NEGR1: variants seen among roughly 807,000 people sequenced by gnomAD.
NEGR1 encodes IgLON family member 4.
A neutral mutation model predicts 40.9 loss-of-function variants in NEGR1; 10 were observed. That is an observed-to-expected ratio of 0.24 (90% confidence interval 0.15 to 0.42). The LOEUF (loss-of-function observed/expected upper bound fraction) is 0.42. Among genes scored for constraint, NEGR1 ranks in the 10% least tolerant of loss-of-function variants. The pLI is 1.00. For missense variants in NEGR1, 352 were observed against 438.9 expected (o/e 0.80, Z 1.77); for synonymous variants, 185 against 166.8 (o/e 1.11, Z -0.84).
chr1:71,527,494 G>T (rs968930471), intron 6 of NEGR1, among the ~76,000 whole-genome samples: 1 of 151,056 alleles, frequency 6.6e-6, no homozygotes, highest in Non-Finnish European at 1.5e-5. Context: ...TAAGATTTTC[G>T]AATTTTGTTT....
intron 1 of NEGR1, among the ~76,000 whole-genome samples, chr1:72,259,320 A>G (rs1655378168): frequency 6.6e-6 from 1 of 152,144 alleles, no homozygotes; most frequent in South Asian, 2.1e-4. Context: ...TGGTTAACGG[A>G]TAAGGATAAA....
At chr1:71,549,478 A>C (rs976176596) in intron 6 of NEGR1, among the ~76,000 whole-genome samples, 9 of 151,680 alleles carry the variant, frequency 5.9e-5, no homozygotes, top group Non-Finnish European at 1.2e-4. Context: ...CTTGTCTAAA[A>C]TCTTCCCAAG....
At chr1:72,066,004 A>G (rs1647262797) in intron 1 of NEGR1, among the ~76,000 whole-genome samples, 2 of 152,150 alleles carry the variant, frequency 1.3e-5, no homozygotes, top group Non-Finnish European at 2.9e-5. Flanking sequence ...TAATTTTAAG[A>G]ATTCCCCTTC....
intron 3 of NEGR1, among the ~76,000 whole-genome samples, chr1:71,721,788 T>C (rs1299890034): frequency 6.6e-6 from 1 of 152,146 alleles, no homozygotes; most frequent in Non-Finnish European, 1.5e-5. Context: ...AGTTACTGCC[T>C]GCTCACTGGA....
intron 2 of NEGR1, among the ~76,000 whole-genome samples, chr1:71,905,439 A>C (rs2101867558): frequency 6.6e-6 from 1 of 152,068 alleles, no homozygotes; most frequent in South Asian, 2.1e-4. Flanking sequence ...TTACATTTAT[A>C]TTCTATTCAC....
At chr1:71,675,356 C>A (rs967831012) in intron 4 of NEGR1, among the ~76,000 whole-genome samples, 1 of 150,436 alleles carries the variant, frequency 6.6e-6, no homozygotes, top group Non-Finnish European at 1.5e-5. Context: ...GGGAGCAGTA[C>A]AAGAATAATT....
At chr1:71,862,063 T>A (rs1342494228) in intron 2 of NEGR1, among the ~76,000 whole-genome samples, 1 of 152,128 alleles carries the variant, frequency 6.6e-6, no homozygotes, top group Admixed American at 6.6e-5. Context: ...TTTCTGTGTA[T>A]TTTTCCTAAA....
At chr1:72,184,525 T>C (rs11209934) in intron 1 of NEGR1, among the ~76,000 whole-genome samples, 5,828 of 152,042 alleles carry the variant, frequency 0.038, 357 homozygotes, top group African/African-American at 0.13. Context: ...CAGTAAGTGG[T>C]TGGGGCCAGA....
At chr1:72,086,450 G>T (rs1648224803) in intron 1 of NEGR1, among the ~76,000 whole-genome samples, 1 of 152,150 alleles carries the variant, frequency 6.6e-6, no homozygotes, top group Non-Finnish European at 1.5e-5. Context: ...GAGAACAAAA[G>T]AAAAAGGTAA....
Position 71,399,576 on chromosome 1 carries a change from C to T in NEGR1, c.*7870G>A, listed in dbSNP as rs891547291. The stretch of plus-strand genomic sequence containing the variant: ...TCTACTTTAAAAAAATTATTCAGAA[C>T]ACCACATGGCCAGCTTGCAAGCTTA... On this transcript the variant is annotated 3_prime_UTR_variant, in exon 7 of 7. Transcript: ENST00000357731. The T allele has an allele frequency of 1.3e-5, 2 of 152,204 alleles. No individual in the cohort carries two copies. The highest frequency in any genetic ancestry group is 4.8e-5 in the African/African-American group (2 of 41,458). 9.4% of individuals were successfully genotyped at this position (152,204 alleles called of 1,614,324 possible). A position where few individuals can be genotyped will look rare whatever the true frequency, so the allele number is the denominator to read the frequency against.
chr1:71,417,449 G>A lies in NEGR1; in HGVS notation c.941-9879C>T, dbSNP rs17091188. Among the ~76,000 whole-genome samples, 387 of 152,286 alleles carry A rather than the reference G, an allele frequency of 2.5e-3. 13 individuals are homozygous for A. In the East Asian group the frequency reaches 0.064, roughly 25 times the overall value. On this transcript the variant is annotated intron_variant, in intron 6 of 6. Transcript: ENST00000357731. ...ATATTGACTACCACTGTAAAGTAAC[G>A]TTGGTTCCATCTACTGAAAAGACGA...
chr1:71,478,938 G>A (rs1646838298), intron 6 of NEGR1, among the ~76,000 whole-genome samples: 1 of 151,926 alleles, frequency 6.6e-6, no homozygotes, highest in Non-Finnish European at 1.5e-5. Flanking sequence ...TGAATCCAGT[G>A]CCTCTGGTCT....
intron 2 of NEGR1, among the ~76,000 whole-genome samples, chr1:71,839,158 GA>G (rs35930342): frequency 0.077 from 6,223 of 80,810 alleles, 296 homozygotes; most frequent in African/African-American, 0.18. Flanking sequence ...AGATAATTGA[GA>G]AAAAAAAAAA....
At chr1:71,953,106 C>A (rs1251892300) in intron 1 of NEGR1, among the ~76,000 whole-genome samples, 1 of 151,916 alleles carries the variant, frequency 6.6e-6, no homozygotes, top group East Asian at 1.9e-4. Flanking sequence ...ATCCATTCTG[C>A]AGCTCATGAT....
intron 2 of NEGR1, among the ~76,000 whole-genome samples, chr1:71,902,262 T>A (rs1661163250): frequency 6.6e-6 from 1 of 152,166 alleles, no homozygotes; most frequent in Non-Finnish European, 1.5e-5. Flanking sequence ...AAGAGCGCAG[T>A]ATGTGGTTAG....
chr1:71,939,564 C>A (rs779506457), intron 1 of NEGR1, among the ~76,000 whole-genome samples: 1 of 151,988 alleles, frequency 6.6e-6, no homozygotes, highest in Admixed American at 6.6e-5. Context: ...TAATTAAATG[C>A]AGATATATGT....
chr1:71,688,056 G>A (rs1317229599), intron 4 of NEGR1, among the ~76,000 whole-genome samples: 1 of 151,516 alleles, frequency 6.6e-6, no homozygotes, highest in Non-Finnish European at 1.5e-5. Context: ...TTGATTATCA[G>A]TTACTGTGCT....
intron 6 of NEGR1, among the ~76,000 whole-genome samples, chr1:71,544,354 T>A (rs1260333610): frequency 6.6e-6 from 1 of 151,688 alleles, no homozygotes; most frequent in Non-Finnish European, 1.5e-5. Context: ...TTTACTAGTT[T>A]GGTAATTTTG....
intron 4 of NEGR1, among the ~76,000 whole-genome samples, chr1:71,612,000 C>T (rs1660742052): frequency 6.6e-6 from 1 of 152,110 alleles, no homozygotes; most frequent in Admixed American, 6.5e-5. Flanking sequence ...AGGCGGGTGG[C>T]CCACGAGGTC....
Sources: allele counts gnomAD v4.1 joint callset (sites outside exome capture counted in the v4.1 genomes callset), GRCh38; gene constraint gnomAD v4.1.1; transcripts MANE v1.5; gene names NCBI Gene and HGNC (gene_info 2026-07-23, HGNC 2026-07-21).